Variants in MCHR2 observed in about 807,000 individuals in gnomAD.
MCHR2 encodes the protein melanin-concentrating hormone receptor 2.
A neutral mutation model predicts 24.8 loss-of-function variants in MCHR2; 15 were observed. The ratio of observed to expected loss-of-function variants is 0.60; its 90% CI spans 0.40 to 0.93. The LOEUF (loss-of-function observed/expected upper bound fraction) is 0.93. MCHR2 is among the 40% of genes least tolerant of loss of function. The pLI, the probability that MCHR2 is intolerant of heterozygous loss-of-function variation, is 0.00. For synonymous variants in MCHR2, 151 were observed against 147.6 expected (o/e 1.02, Z -0.17); for missense variants, 386 against 408.7 (o/e 0.94, Z 0.48).
At chr6:99,974,199 A>G (rs1030093922) in intron 1 of MCHR2, among the ~76,000 whole-genome samples, 3 of 152,180 alleles carry the variant, frequency 2.0e-5, no homozygotes, top group African/African-American at 4.8e-5. Flanking sequence ...AGGTACACCA[A>G]TCAGATGTAG....
At chr6:99,966,245 G>A (rs1775294726) in intron 1 of MCHR2, among the ~76,000 whole-genome samples, 1 of 152,126 alleles carries the variant, frequency 6.6e-6, no homozygotes, top group South Asian at 2.1e-4. Context: ...AAAAGTAAGA[G>A]CTCTTTTATC....
chr6:99,935,483 C>T (rs1774638043), intron 4 of MCHR2, among the ~76,000 whole-genome samples: 1 of 151,928 alleles, frequency 6.6e-6, no homozygotes, highest in African/African-American at 2.4e-5. Context: ...GTACTTGGCT[C>T]GTTTCACTTA....
intron 1 of MCHR2, among the ~76,000 whole-genome samples, chr6:99,989,151 A>G (rs1180198139): frequency 6.6e-6 from 1 of 152,186 alleles, no homozygotes; most frequent in Admixed American, 6.5e-5. Flanking sequence ...TAAAATTACT[A>G]CCTACCAGAA....
intron 1 of MCHR2, among the ~76,000 whole-genome samples, chr6:99,985,222 GAACCAGTATCATCA>G (rs60158246): frequency 0.058 from 8,759 of 152,120 alleles, 551 homozygotes; most frequent in African/African-American, 0.16. Context: ...TGAATTGGAA[GAACCAGTATCATCA>G]AAATGACCAT....
chr6:99,936,204 G>A (rs1774657439), intron 4 of MCHR2, among the ~76,000 whole-genome samples: 1 of 151,660 alleles, frequency 6.6e-6, no homozygotes, highest in African/African-American at 2.4e-5. Context: ...TTTAGTTTGA[G>A]GTAATCCTAT....
chr6:99,929,006 T>C (rs1028040249), intron 5 of MCHR2, among the ~76,000 whole-genome samples: 1 of 152,200 alleles, frequency 6.6e-6, no homozygotes, highest in East Asian at 1.9e-4. Flanking sequence ...CACTCTGCTT[T>C]GAATGTGTCC....
chr6:99,972,174 G>T (rs1453967411), intron 1 of MCHR2, among the ~76,000 whole-genome samples: 1 of 152,310 alleles, frequency 6.6e-6, no homozygotes, highest in South Asian at 2.1e-4. Flanking sequence ...GAATTCAGCT[G>T]TGAATCCATC....
At chr6:99,923,034 C>G (rs1774271545) in intron 5 of MCHR2, among the ~76,000 whole-genome samples, 1 of 152,004 alleles carries the variant, frequency 6.6e-6, no homozygotes, top group South Asian at 2.1e-4. Flanking sequence ...TGTGGAATAT[C>G]TTTCCATTTT....
At chr6:99,976,555 T>C (rs555814956) in intron 1 of MCHR2, among the ~76,000 whole-genome samples, 64 of 152,224 alleles carry the variant, frequency 4.2e-4, no homozygotes, top group Non-Finnish European at 8.4e-4. Flanking sequence ...CCACCATCTA[T>C]GGCTTTGGTC....
chr6:99,958,768 A>G (rs2114546190), intron 1 of MCHR2, among the ~76,000 whole-genome samples: 1 of 152,308 alleles, frequency 6.6e-6, no homozygotes, highest in South Asian at 2.1e-4. Context: ...TCTCTGGCAC[A>G]GTGCCATATG....
intron 1 of MCHR2, among the ~76,000 whole-genome samples, chr6:99,969,211 C>T (rs1267568434): frequency 2.6e-5 from 4 of 152,086 alleles, no homozygotes; most frequent in Non-Finnish European, 4.4e-5. Flanking sequence ...CGTGGTGGCT[C>T]ATGCCTGTAA....
chr6:99,936,338 A>G (rs1774659793), intron 4 of MCHR2, among the ~76,000 whole-genome samples: 1 of 151,996 alleles, frequency 6.6e-6, no homozygotes, highest in Non-Finnish European at 1.5e-5. Context: ...TTCAAGTCTT[A>G]GATTTAAGTA....
chr6:99,921,087 G>C lies in MCHR2; in HGVS notation c.876C>G (p.Ile292Met). ...LAFYVGYYLS[I>M]CLSYASSSIN... ...TGCTGCTGCTGGCATAGCTGAGACA[G>C]ATGGAGAGGTAATAACCCACATAGA... The change falls in exon 6 of 6, where the codon ATC (isoleucine) becomes ATG (methionine). Residue 292 changes from isoleucine (I) to methionine (M), a missense_variant. Physicochemically the swap from Ile to Met is conservative, Grantham distance 10. Transcript: ENST00000281806. 1 of 1,614,204 alleles carries C rather than the reference G, an allele frequency of 6.2e-7. No homozygotes were observed. Among genetic ancestry groups the C allele is most frequent in the Non-Finnish European group, 8.5e-7 (1 of 1,180,032 alleles).
chr6:99,954,522 C>T (rs868346386), intron 2 of MCHR2, among the ~76,000 whole-genome samples: 6 of 152,084 alleles, frequency 3.9e-5, no homozygotes, highest in Admixed American at 6.5e-5. Context: ...CACACAGCGT[C>T]TCCAAGGGAA....
intron 1 of MCHR2, among the ~76,000 whole-genome samples, chr6:99,957,751 T>TTTAA (rs139395108): frequency 0.43 from 65,574 of 151,490 alleles, 14,497 homozygotes; most frequent in East Asian, 0.76. Flanking sequence ...AGAGTTAACA[T>TTTAA]TTGTTAAAAA....
chr6:99,950,111 G>T (rs1774939865), intron 2 of MCHR2, among the ~76,000 whole-genome samples: 1 of 151,944 alleles, frequency 6.6e-6, no homozygotes, highest in African/African-American at 2.4e-5. Context: ...AACAGTGCAG[G>T]CCATTAACTG....
At chr6:99,958,184 C>CAT in intron 1 of MCHR2, among the ~76,000 whole-genome samples, 1 of 152,056 alleles carries the variant, frequency 6.6e-6, no homozygotes, top group Non-Finnish European at 1.5e-5. Flanking sequence ...CAGACCCATA[C>CAT]ATATATATTA....
At chr6:99,974,312 A>C (rs1470715360) in intron 1 of MCHR2, among the ~76,000 whole-genome samples, 1 of 151,876 alleles carries the variant, frequency 6.6e-6, no homozygotes, top group African/African-American at 2.4e-5. Context: ...CATTCATTTC[A>C]TCTTCCAACA....
At chr6:99,974,411 A>G (rs1775503182) in intron 1 of MCHR2, among the ~76,000 whole-genome samples, 1 of 152,152 alleles carries the variant, frequency 6.6e-6, no homozygotes, top group Admixed American at 6.5e-5. Flanking sequence ...CAGCTCCATC[A>G]GCTCCTTTAA....
Sources: allele counts gnomAD v4.1 joint callset (sites outside exome capture counted in the v4.1 genomes callset), GRCh38; gene constraint gnomAD v4.1.1; transcripts MANE v1.5; gene names NCBI Gene and HGNC (gene_info 2026-07-23, HGNC 2026-07-21).